Variants in OPN5 observed in about 807,000 individuals in gnomAD.
OPN5 encodes the protein opsin-5.
In OPN5, 18 loss-of-function variants were observed where a neutral mutation model predicts 41.7. The ratio of observed to expected loss-of-function variants is 0.43; its 90% CI spans 0.30 to 0.64. The LOEUF is 0.64. Ranked by LOEUF, OPN5 falls within the 30% of genes least tolerant of loss-of-function variation. OPN5 has a pLI of 0.13. For missense variants in OPN5, 318 were observed against 434.5 expected (o/e 0.73, Z 2.38); for synonymous variants, 178 against 164.3 (o/e 1.08, Z -0.64).
chr6:47,802,919 C>T lies in OPN5; in HGVS notation c.757-5235C>T, dbSNP rs1052826884. ...GGTATTTTAAGATTCGAGAAAATTG[C>T]AATTGGGAAGTGTGAAATTCTTGTT... On this transcript the variant is annotated intron_variant, in intron 4 of 6. Transcript: ENST00000371211. 2.6e-5 allele frequency among the ~76,000 whole-genome samples: 4 copies of T among 152,170 alleles called. No individual in the cohort carries two copies. In the East Asian group the frequency reaches 7.7e-4, roughly 29 times the overall value.
chr6:47,818,044 G>A (rs1429655912), intron 6 of OPN5, among the ~76,000 whole-genome samples: 2 of 152,106 alleles, frequency 1.3e-5, no homozygotes, highest in East Asian at 3.9e-4. Flanking sequence ...ACTACTTAGA[G>A]CTAATTTGTT....
At chr6:47,805,876 G>A (rs540069709) in intron 4 of OPN5, among the ~76,000 whole-genome samples, 1 of 152,176 alleles carries the variant, frequency 6.6e-6, no homozygotes, top group African/African-American at 2.4e-5. Context: ...GTAAAAGGAA[G>A]TGATACCTGG....
At chr6:47,814,623 A>G (rs1227142373) in intron 6 of OPN5, among the ~76,000 whole-genome samples, 2 of 152,138 alleles carry the variant, frequency 1.3e-5, no homozygotes, top group African/African-American at 2.4e-5. Flanking sequence ...AGAAAAAACA[A>G]GGAGTCATTG....
chr6:47,790,371 C>T (rs893030689), intron 2 of OPN5, among the ~76,000 whole-genome samples: 4 of 152,274 alleles, frequency 2.6e-5, no homozygotes, highest in African/African-American at 9.6e-5. Flanking sequence ...AAATGACCTA[C>T]CTACTTCCCC....
rs1206967981 is a variant in OPN5, at chr6:47,818,408, TACTC to T, written c.1057-5572_1057-5569del. Reference sequence around the variant, plus strand: ...GAATAATAGCACTGAAGCAGCAAGTTACTCACGACATTTCCAGAAAGTGGAGAAT... The same window carrying T: ...GAATAATAGCACTGAAGCAGCAAGTTACGACATTTCCAGAAAGTGGAGAAT... On this transcript the variant is annotated intron_variant, in intron 6 of 6. Coordinates refer to ENST00000371211, the Ensembl canonical transcript of OPN5. Among the ~76,000 whole-genome samples, 10 of 152,318 alleles carry T rather than the reference TACTC, an allele frequency of 6.6e-5. No homozygotes were observed. In the South Asian group the frequency reaches 1.9e-3, roughly 28 times the overall value.
intron 6 of OPN5, among the ~76,000 whole-genome samples, chr6:47,818,285 G>C (rs1019202416): frequency 4.0e-5 from 6 of 151,734 alleles, no homozygotes; most frequent in African/African-American, 9.7e-5. Context: ...GCTCAGAATA[G>C]ATCTGAATCT....
At chr6:47,802,380 T>A (rs1216905846) in intron 4 of OPN5, among the ~76,000 whole-genome samples, 1 of 152,132 alleles carries the variant, frequency 6.6e-6, no homozygotes, top group Admixed American at 6.6e-5. Context: ...TTTAAATAAA[T>A]GTATTTTCTA....
chr6:47,796,011 G>A (rs992648846), intron 4 of OPN5, among the ~76,000 whole-genome samples: 2 of 152,148 alleles, frequency 1.3e-5, no homozygotes, highest in African/African-American at 4.8e-5. Flanking sequence ...ATTATTTATA[G>A]AGTAAGAGTT....
intron 2 of OPN5, among the ~76,000 whole-genome samples, chr6:47,788,938 C>T (rs181794799): frequency 5.3e-5 from 8 of 151,962 alleles, no homozygotes; most frequent in East Asian, 1.9e-4. Flanking sequence ...CAAAACAATC[C>T]GTCCAGCGAT....
chr6:47,826,103 G>A (rs892649125), downstream of OPN5: 5 of 151,708 alleles, frequency 3.3e-5, no homozygotes, highest in Admixed American at 1.3e-4. Context: ...GGAATTTTTT[G>A]AACATGTACA....
intron 5 of OPN5, 72 bp from the exon 6 acceptor site, chr6:47,811,602 G>T: frequency 1.1e-6 from 1 of 891,174 alleles, no homozygotes; most frequent in Non-Finnish European, 1.9e-6. Context: ...ACATATGTAT[G>T]TATATGTACA....
At chr6:47,819,180 T>C (rs1762519913) in intron 6 of OPN5, among the ~76,000 whole-genome samples, 1 of 151,142 alleles carries the variant, frequency 6.6e-6, no homozygotes, top group Admixed American at 6.6e-5. Flanking sequence ...ATATCAGAAG[T>C]GGTTAAGTAA....
At chr6:47,816,168 T>C (rs953399722) in intron 6 of OPN5, among the ~76,000 whole-genome samples, 1 of 152,174 alleles carries the variant, frequency 6.6e-6, no homozygotes, top group Non-Finnish European at 1.5e-5. Context: ...GCACCTGCCA[T>C]ATACACTGTC....
At chr6:47,782,051 G>C (rs763239962) in exon 1 of OPN5, 2 of 1,610,782 alleles carry the variant, frequency 1.2e-6, no homozygotes, top group South Asian at 2.2e-5. Context: ...CAGATCCCTC[G>C]TGGTTCGAGA....
chr6:47,797,860 A>C (rs989299756), intron 4 of OPN5, among the ~76,000 whole-genome samples: 1 of 152,106 alleles, frequency 6.6e-6, no homozygotes, highest in African/African-American at 2.4e-5. Context: ...TGAACTGCTC[A>C]ACTTGACCCC....
chr6:47,793,605 T>C (rs2113960155), intron 3 of OPN5: 1 of 152,928 alleles, frequency 6.5e-6, no homozygotes, highest in South Asian at 2.1e-4. Context: ...CAGCCCATTC[T>C]CTGATTGGTC....
intron 4 of OPN5, among the ~76,000 whole-genome samples, chr6:47,801,324 T>G (rs1386053144): frequency 6.6e-6 from 1 of 152,260 alleles, no homozygotes; most frequent in Non-Finnish European, 1.5e-5. Context: ...ACTCTGGCTC[T>G]AGGGCCTCTG....
exon 7 of OPN5, chr6:47,824,417 C>G (rs1450384258): frequency 4.9e-6 from 1 of 205,350 alleles, no homozygotes; most frequent in Non-Finnish European, 1.0e-5. Flanking sequence ...AGATGATGTA[C>G]TGGGCAGAGG....
chr6:47,788,668 C>T (rs189386461), intron 2 of OPN5, among the ~76,000 whole-genome samples: 12 of 152,152 alleles, frequency 7.9e-5, no homozygotes, highest in African/African-American at 2.4e-4. Flanking sequence ...TAAGCACCTC[C>T]TGGAGGCCAG....
Sources: allele counts gnomAD v4.1 joint callset (sites outside exome capture counted in the v4.1 genomes callset), GRCh38; gene constraint gnomAD v4.1.1; transcripts MANE v1.5; gene names NCBI Gene and HGNC (gene_info 2026-07-23, HGNC 2026-07-21).